Variants in SYNRG observed in about 807,000 individuals in gnomAD.
SYNRG encodes the protein synergin gamma, also known as AP1 gamma subunit binding protein 1.
A neutral mutation model predicts 130.9 loss-of-function variants in SYNRG; 37 were observed. The ratio of observed to expected loss-of-function variants is 0.28; its 90% CI spans 0.22 to 0.37. SYNRG has a LOEUF of 0.37. SYNRG is among the 10% of genes least tolerant of loss of function. The probability of loss-of-function intolerance (pLI) is 1.00; values close to 1 mark genes in which losing one functional copy is unlikely to be tolerated. For missense variants in SYNRG, 1,338 were observed against 1,588.9 expected, an observed-to-expected ratio of 0.84 and a Z score of 2.68; for synonymous variants, 539 against 568.1, an observed-to-expected ratio of 0.95 and a Z score of 0.73.
At chr17:37,543,483 A>G (rs1489701503) in intron 14 of SYNRG, among the ~76,000 whole-genome samples, 1 of 152,242 alleles carries the variant, frequency 6.6e-6, no homozygotes, top group African/African-American at 2.4e-5. Context: ...CTTGCTACCT[A>G]CTATTTGTAT....
intron 17 of SYNRG, among the ~76,000 whole-genome samples, chr17:37,538,791 C>T (rs1228686734): frequency 2.6e-5 from 4 of 152,190 alleles, no homozygotes; most frequent in African/African-American, 7.2e-5. Context: ...GACAGGGTTT[C>T]ACCATGTTGG....
chr17:37,568,769 AATAT>A lies in SYNRG; in HGVS notation c.1481+18_1481+21del. The A allele has an allele frequency of 6.2e-7, 1 of 1,609,664 alleles. No individual in the cohort carries two copies. Among genetic ancestry groups the A allele is most frequent in the Non-Finnish European group, 8.5e-7 (1 of 1,178,418 alleles). On this transcript the variant is annotated intron_variant, in intron 11 of 21. Coordinates refer to ENST00000612223, the MANE Select transcript of SYNRG (RefSeq NM_007247.6). ...TTCTTAATGGTTAAATGCAATGTTA[AATAT>A]ATTAAACTCTTTTCTACCTGTTTCC... is the stretch of plus-strand genomic sequence containing the variant.
intron 16 of SYNRG, 139 bp from the exon 17 acceptor site, chr17:37,539,384 T>G: frequency 5.5e-6 from 5 of 903,214 alleles, no homozygotes; most frequent in Non-Finnish European, 8.2e-6. Context: ...GTTTTTTTTG[T>G]TTTTGTTTTT....
chr17:37,556,380 G>A (rs1224096278), intron 13 of SYNRG, among the ~76,000 whole-genome samples: 1 of 152,034 alleles, frequency 6.6e-6, no homozygotes, highest in Non-Finnish European at 1.5e-5. Flanking sequence ...GAACCCTGGA[G>A]ACAGAGGTTG....
Position 37,596,226 on chromosome 17 carries a change from C to T in SYNRG, c.237G>A (p.Met79Ile), listed in dbSNP as rs776773417. The T allele has an allele frequency of 4.3e-6, 7 of 1,613,636 alleles. No individual in the cohort carries two copies. Among genetic ancestry groups the T allele is most frequent in the Non-Finnish European group, 5.9e-6 (7 of 1,179,720 alleles). ...SSQMSQGPIAMQAGIPMGPMP... is the reference protein window; with the variant it reads ...SSQMSQGPIAIQAGIPMGPMP... ...AACCAACTAAAGAAGCAAGTACCTG[C>T]ATAGCAATAGGTCCTTGGGACATCT... The change falls in exon 3 of 22, where the codon ATG (methionine) becomes ATA (isoleucine). Residue 79 changes from methionine to isoleucine, a missense_variant. This residue lies in a region of SYNRG where 184 missense variants were observed against 217.2 expected (regional missense o/e 0.85). Transcript: ENST00000612223.
intron 19 of SYNRG, among the ~76,000 whole-genome samples, chr17:37,530,307 A>G (rs933577052): frequency 2.0e-5 from 3 of 152,194 alleles, no homozygotes; most frequent in African/African-American, 7.2e-5. Flanking sequence ...ATCTACTCCT[A>G]TGATGATATT....
At chr17:37,548,857 G>A (rs1387678381) in intron 14 of SYNRG, among the ~76,000 whole-genome samples, 3 of 148,276 alleles carry the variant, frequency 2.0e-5, no homozygotes, top group Admixed American at 6.7e-5. Flanking sequence ...ACAAAAAAAC[G>A]GGCGTGGTGG....
chr17:37,558,925 T>C (rs936979407), intron 13 of SYNRG, among the ~76,000 whole-genome samples: 2 of 152,196 alleles, frequency 1.3e-5, no homozygotes, highest in Admixed American at 6.5e-5. Flanking sequence ...TTTGGTAAAA[T>C]ACGAGTTCGG....
rs1268216735 is a variant in SYNRG at position 37,585,340 on chromosome 17, G to C, written c.462C>G (p.Ser154Arg). 9 of 1,613,698 alleles carry C rather than the reference G, an allele frequency of 5.6e-6. No individual in the cohort carries two copies. Among genetic ancestry groups the C allele is most frequent in the Non-Finnish European group, 7.6e-6 (9 of 1,179,812 alleles). ...EEQKQKLRLL[S>R]SVKPKTGEKS... The stretch of plus-strand genomic sequence containing the variant: ...GAAATACTACCTTGGGTTTCACACT[G>C]CTCAAAAGTCTGAGCTTTTGCTTCT... Residue 154 changes from serine (S) to arginine (R), a missense_variant, in exon 5 of 22, where the codon AGC becomes AGG. Coordinates refer to ENST00000612223, the MANE Select transcript of SYNRG (RefSeq NM_007247.6).
At chr17:37,582,530 T>G (rs1237591006) in intron 6 of SYNRG, among the ~76,000 whole-genome samples, 1 of 152,132 alleles carries the variant, frequency 6.6e-6, no homozygotes, top group Non-Finnish European at 1.5e-5. Flanking sequence ...CCATACCAAC[T>G]CTAGCAGCTA....
chr17:37,576,306 C>T, intron 8 of SYNRG, 35 bp downstream of exon 8: 1 of 1,597,290 alleles, frequency 6.3e-7, no homozygotes, highest in Non-Finnish European at 8.6e-7. Context: ...ACCAAAATAT[C>T]CAGATGGGAA....
intron 18 of SYNRG, chr17:37,537,028 G>C (rs1430429156): frequency 6.6e-6 from 1 of 152,194 alleles, no homozygotes; most frequent in African/African-American, 2.4e-5. Context: ...GCCAAGTGAG[G>C]GGGCTTCTAA....
rs1384344164 is a variant in SYNRG, at chr17:37,580,510, T to TGTGTGTGTGTGTGTGA, written c.590-2898_590-2897insTCACACACACACACAC. On this transcript the variant is annotated intron_variant, in intron 6 of 21. Coordinates refer to ENST00000612223, the MANE Select transcript of SYNRG (RefSeq NM_007247.6). Reference sequence around the variant, plus strand: ...GTGTGTGTGTGTGTGTGTGTGTGTGTGAGAGAGAGAGAGAGAGAGAGAGAG... The same window carrying TGTGTGTGTGTGTGTGA: ...GTGTGTGTGTGTGTGTGTGTGTGTGTGTGTGTGTGTGTGTGAGAGAGAGAGAGAGAGAGAGAGAGAG... Among the ~76,000 whole-genome samples the TGTGTGTGTGTGTGTGA allele has an allele frequency of 5.3e-3, 680 of 127,666 alleles. 6 individuals carry two copies. Among genetic ancestry groups the TGTGTGTGTGTGTGTGA allele is most frequent in the African/African-American group, 0.021 (586 of 27,426 alleles). 83.8% of individuals were successfully genotyped at this position (127,666 alleles called of 152,430 possible). A position where few individuals can be genotyped will look rare whatever the true frequency, so the allele number is the denominator to read the frequency against.
chr17:37,542,787 C>A lies in SYNRG; in HGVS notation c.2609-222G>T, dbSNP rs11657596. 4.9e-3 allele frequency among the ~76,000 whole-genome samples: 746 copies of A among 152,158 alleles called. 3 individuals are homozygous for A. The highest frequency in any genetic ancestry group is 0.034 in the Middle Eastern group (10 of 294). ...GGCATTTACATTTAGTTACCAAGAA[C>A]CATTTTCTTTGGCTATAAAAATTAC... On this transcript the variant is annotated intron_variant, in intron 14 of 21. Transcript: ENST00000612223.
chr17:37,546,440 G>A (rs779065815), intron 14 of SYNRG, among the ~76,000 whole-genome samples: 4 of 152,202 alleles, frequency 2.6e-5, no homozygotes, highest in African/African-American at 9.7e-5. Flanking sequence ...AATCAGGGAT[G>A]TCCTATTACA....
intron 1 of SYNRG, among the ~76,000 whole-genome samples, chr17:37,606,461 A>G (rs1465613169): frequency 6.6e-6 from 1 of 152,246 alleles, no homozygotes; most frequent in Non-Finnish European, 1.5e-5. Context: ...ACATCCCAGA[A>G]GAACGTGACC....
chr17:37,523,570 C>A (rs753808288), intron 19 of SYNRG, among the ~76,000 whole-genome samples: 4 of 152,188 alleles, frequency 2.6e-5, no homozygotes, highest in Non-Finnish European at 5.9e-5. Context: ...CACACTAGTG[C>A]GACAGAATGG....
rs1213853635 is a variant in SYNRG at position 37,576,323 on chromosome 17, G to C, written c.901+18C>G. ...CAAAATATCCAGATGGGAATCCTGG[G>C]TAAAGAAGCTTTTTTACCTGGAACC... On this transcript the variant is annotated intron_variant, in intron 8 of 21. Coordinates refer to ENST00000612223, the MANE Select transcript of SYNRG (RefSeq NM_007247.6). The C allele has an allele frequency of 2.1e-5, 34 of 1,611,382 alleles. No homozygotes were observed. Among genetic ancestry groups the C allele is most frequent in the Non-Finnish European group, 2.8e-5 (33 of 1,178,310 alleles).
intron 3 of SYNRG, among the ~76,000 whole-genome samples, chr17:37,591,875 C>A (rs1347342560): frequency 1.3e-5 from 2 of 152,080 alleles, no homozygotes; most frequent in Non-Finnish European, 2.9e-5. Flanking sequence ...AGGAGAAAAT[C>A]TTCAGAATCT....
Sources: allele counts gnomAD v4.1 joint callset (sites outside exome capture counted in the v4.1 genomes callset), GRCh38; gene constraint gnomAD v4.1.1; regional missense constraint gnomAD v4.1.1; transcripts MANE v1.5; gene names NCBI Gene and HGNC (gene_info 2026-07-23, HGNC 2026-07-21).